Variants in CPA3 observed in about 807,000 individuals in gnomAD.
CPA3 encodes the protein carboxypeptidase A3.
A neutral mutation model predicts 55.8 loss-of-function variants in CPA3; 52 were observed. That is an observed-to-expected ratio of 0.93 (90% CI 0.75 to 1.17). CPA3 has a LOEUF of 1.17. Ranked by LOEUF, CPA3 falls within the 50% of genes most tolerant of loss-of-function variation. The pLI, the probability that CPA3 is intolerant of heterozygous loss-of-function variation, is 0.00. For missense variants in CPA3, 547 were observed against 509.1 expected, an observed-to-expected ratio of 1.07 and a Z score of -0.72; for synonymous variants, 179 against 171.2, an observed-to-expected ratio of 1.05 and a Z score of -0.36.
At chr3:148,881,784 T>A (rs1714374185) in intron 7 of CPA3, 152 bp downstream of exon 7, 1 of 467,550 alleles carries the variant, frequency 2.1e-6, no homozygotes, top group African/African-American at 2.0e-5. Context: ...TAAGTATGAT[T>A]TCTTGGTTGC....
chr3:148,865,862 C>G (rs538377688), intron 2 of CPA3, among the ~76,000 whole-genome samples: 7 of 152,298 alleles, frequency 4.6e-5, no homozygotes, highest in African/African-American at 1.7e-4. Flanking sequence ...GGGTGCCATT[C>G]CCTCTCCATT....
At chr3:148,881,313 C>A (rs1026757095) in intron 6 of CPA3, among the ~76,000 whole-genome samples, 2 of 152,154 alleles carry the variant, frequency 1.3e-5, no homozygotes, top group Admixed American at 6.5e-5. Context: ...AAAGACTATT[C>A]ATTTCCATTA....
chr3:148,878,891 G>T (rs990780200), intron 5 of CPA3, 143 bp downstream of exon 5: 2 of 580,676 alleles, frequency 3.4e-6, no homozygotes, highest in Non-Finnish European at 5.9e-6. Flanking sequence ...ATCCATTAAA[G>T]AATAGAAATG....
In CPA3 at chr3:148,896,691, TCAAG is replaced by T; in HGVS notation, c.1241_1244del (p.Lys414IlefsTer38). On this transcript the variant is annotated frameshift_variant, in exon 11 of 11. Coordinates refer to ENST00000296046, the MANE Select transcript of CPA3 (RefSeq NM_001870.4). LOFTEE classifies it high-confidence loss of function. ...GTCAAATTTATTGCCAAGTATATCC[TCAAG>T]CATACTTCCTAAAGAACTGCCCTCT... The T allele has an allele frequency of 6.5e-7, 1 of 1,530,950 alleles. No homozygotes were observed. The highest frequency in any genetic ancestry group is 8.9e-7 in the Non-Finnish European group (1 of 1,119,940). 94.8% of individuals were successfully genotyped at this position (1,530,950 alleles called of 1,614,324 possible).
At chr3:148,893,666 T>A (rs1005609172) in intron 10 of CPA3, among the ~76,000 whole-genome samples, 2 of 152,116 alleles carry the variant, frequency 1.3e-5, no homozygotes, top group Non-Finnish European at 1.5e-5. Flanking sequence ...TAAACTAACA[T>A]AGTCAAGTAG....
intron 2 of CPA3, among the ~76,000 whole-genome samples, chr3:148,866,296 A>G (rs1713898400): frequency 6.6e-6 from 1 of 152,190 alleles, no homozygotes; most frequent in Admixed American, 6.5e-5. Context: ...GGCCCTGCCT[A>G]TTCTAACTCC....
intron 10 of CPA3, among the ~76,000 whole-genome samples, chr3:148,893,292 G>A (rs1714726056): frequency 6.7e-6 from 1 of 148,300 alleles, no homozygotes. Flanking sequence ...TGAAACAAAT[G>A]AAGAAATGGA....
chr3:148,869,071 G>A, intron 3 of CPA3, 32 bp downstream of exon 3: 1 of 1,604,648 alleles, frequency 6.2e-7, no homozygotes, highest in African/African-American at 1.3e-5. Flanking sequence ...AAATTTGTTG[G>A]ATATTCAAAG....
intron 10 of CPA3, among the ~76,000 whole-genome samples, chr3:148,895,834 C>G (rs183929645): frequency 6.9e-6 from 1 of 145,502 alleles, no homozygotes; most frequent in Admixed American, 7.1e-5. Flanking sequence ...TCACATAAAG[C>G]AAAATGTGAG....
intron 10 of CPA3, among the ~76,000 whole-genome samples, chr3:148,895,710 G>C (rs1203842375): frequency 2.0e-5 from 3 of 152,092 alleles, no homozygotes; most frequent in Non-Finnish European, 1.5e-5. Flanking sequence ...TTTCATCGCA[G>C]CTTTGAATTC....
chr3:148,877,416 C>T (rs1714238553), intron 3 of CPA3, among the ~76,000 whole-genome samples: 2 of 151,958 alleles, frequency 1.3e-5, no homozygotes, highest in Non-Finnish European at 2.9e-5. Flanking sequence ...ATCACTTGAA[C>T]CCGGGAGGTG....
chr3:148,865,437 C>T (rs771084177), intron 1 of CPA3, 36 bp from the exon 2 acceptor site: 3 of 1,611,838 alleles, frequency 1.9e-6, no homozygotes, highest in African/African-American at 1.3e-5. Context: ...TGTTTCCTTA[C>T]AGTTCACTTT....
chr3:148,888,133 T>G (rs1294774822), intron 10 of CPA3, among the ~76,000 whole-genome samples: 1 of 152,228 alleles, frequency 6.6e-6, no homozygotes, highest in Non-Finnish European at 1.5e-5. Context: ...TTGCAACAAT[T>G]TTACCTGACC....
chr3:148,889,938 C>CA (rs1368463111), intron 10 of CPA3, among the ~76,000 whole-genome samples: 5 of 151,722 alleles, frequency 3.3e-5, no homozygotes, highest in Non-Finnish European at 7.4e-5. Context: ...CCCCAGCCCC[C>CA]AGAGATTCTG....
intron 3 of CPA3, among the ~76,000 whole-genome samples, chr3:148,876,538 G>A (rs1437685749): frequency 1.3e-5 from 2 of 151,982 alleles, no homozygotes; most frequent in South Asian, 2.1e-4. Context: ...TACCACACCT[G>A]GCTAACTTTT....
chr3:148,881,464 T>C lies in CPA3; in HGVS notation c.577-58T>C. ...AAGTTATTACTATTATAACCACAGC[T>C]TTCCACATAATAGCTAAACTTCATA... is the stretch of plus-strand genomic sequence containing the variant. On this transcript the variant is annotated intron_variant, in intron 6 of 10. Transcript: ENST00000296046. 3 of 1,035,948 alleles carry C rather than the reference T, an allele frequency of 2.9e-6. No homozygotes were observed. In the South Asian group the frequency reaches 4.1e-5, roughly 14 times the overall value. 64.2% of individuals were successfully genotyped at this position (1,035,948 alleles called of 1,614,324 possible).
chr3:148,880,350 G>A (rs1190049178), intron 6 of CPA3, among the ~76,000 whole-genome samples: 1 of 94,606 alleles, frequency 1.1e-5, no homozygotes, highest in Admixed American at 1.2e-4. Flanking sequence ...TTTTTTTTTT[G>A]AGATGGAGTC....
chr3:148,879,174 C>T (rs554398457), intron 5 of CPA3, among the ~76,000 whole-genome samples: 1 of 152,304 alleles, frequency 6.6e-6, no homozygotes, highest in East Asian at 1.9e-4. Flanking sequence ...TATATCAGAG[C>T]CAACAATTTC....
chr3:148,865,449 T>G, intron 1 of CPA3, 24 bp from the exon 2 acceptor site: 2 of 1,613,650 alleles, frequency 1.2e-6, no homozygotes, highest in Admixed American at 1.7e-5. Flanking sequence ...GTTCACTTTT[T>G]TTTTTTCATT....
Sources: gnomAD v4.1 joint callset for allele counts (sites outside exome capture counted in the v4.1 genomes callset) on GRCh38, gnomAD v4.1.1 for gene constraint, MANE v1.5 for transcripts, NCBI Gene and HGNC (gene_info 2026-07-23, HGNC 2026-07-21) for gene names.